FBN2: variants seen among roughly 807,000 people sequenced by gnomAD.
FBN2 encodes the protein fibrillin 2.
A neutral mutation model predicts 355.6 loss-of-function variants in FBN2; 105 were observed. The observed-to-expected ratio is 0.30, with a 90% CI of 0.25 to 0.35. FBN2 has a LOEUF of 0.35. Among genes scored for constraint, FBN2 ranks in the 10% least tolerant of loss-of-function variants. The pLI is 1.00. For missense variants in FBN2, 3,280 were observed against 3,758.7 expected (o/e 0.87, Z 3.33); for synonymous variants, 1,350 against 1,301.2 (o/e 1.04, Z -0.81).
intron 6 of FBN2, among the ~76,000 whole-genome samples, chr5:128,447,201 C>T (rs1465282342): frequency 6.6e-6 from 1 of 152,144 alleles, no homozygotes; most frequent in Non-Finnish European, 1.5e-5. Flanking sequence ...GAAAAAAGAA[C>T]AGGATAACAG....
chr5:128,526,916 AT>A (rs1756575948), intron 4 of FBN2, among the ~76,000 whole-genome samples: 1 of 152,146 alleles, frequency 6.6e-6, no homozygotes. Context: ...ATTTAAAAAA[AT>A]TTTTCATTGC....
chr5:128,280,324 A>T lies in FBN2; in HGVS notation c.7013-7T>A, dbSNP rs191729449. Reference sequence around the variant, plus strand: ...GTCCTGCATTCATTTTCATCTTTAGAAAAACAAACAATATGAATAATGAGA... The same window carrying T: ...GTCCTGCATTCATTTTCATCTTTAGTAAAACAAACAATATGAATAATGAGA... On this transcript the variant is annotated splice_region_variant and splice_polypyrimidine_tract_variant and intron_variant, in intron 55 of 64. Coordinates refer to ENST00000262464, the MANE Select transcript of FBN2 (RefSeq NM_001999.4). 57 of 1,602,862 alleles carry T rather than the reference A, an allele frequency of 3.6e-5. No homozygotes were observed. The East Asian group carries it at 6.3e-4, about 18-fold the overall frequency.
At chr5:128,519,885 C>T (rs1756383933) in intron 4 of FBN2, among the ~76,000 whole-genome samples, 1 of 150,380 alleles carries the variant, frequency 6.6e-6, no homozygotes, top group South Asian at 2.1e-4. Flanking sequence ...GAAAAGGAAG[C>T]CAAGGGGGGA....
At chr5:128,494,182 C>T (rs963648190) in intron 5 of FBN2, among the ~76,000 whole-genome samples, 11 of 152,164 alleles carry the variant, frequency 7.2e-5, no homozygotes, top group Non-Finnish European at 1.2e-4. Context: ...ATTGTCTCCG[C>T]CTTCAGTCCA....
chr5:128,519,553 T>G (rs1481847691), intron 4 of FBN2, among the ~76,000 whole-genome samples, 185 bp from the exon 5 acceptor site: 2 of 152,080 alleles, frequency 1.3e-5, no homozygotes, highest in African/African-American at 4.8e-5. Flanking sequence ...TATATTTAAG[T>G]ATATTCAGAC....
At chr5:128,327,699 C>A (rs938533826) in intron 34 of FBN2, among the ~76,000 whole-genome samples, 1 of 151,248 alleles carries the variant, frequency 6.6e-6, no homozygotes, top group Non-Finnish European at 1.5e-5. Context: ...AGTGCAATGG[C>A]GCAATCTTGG....
At chr5:128,263,291 T>A (rs1765022915) in intron 63 of FBN2, 134 bp downstream of exon 63, 1 of 731,310 alleles carries the variant, frequency 1.4e-6, no homozygotes, top group Non-Finnish European at 2.5e-6. Flanking sequence ...TTTATCTGCA[T>A]ACCCGAAGAG....
chr5:128,282,080 A>C (rs1448119513), intron 55 of FBN2, among the ~76,000 whole-genome samples: 1 of 152,138 alleles, frequency 6.6e-6, no homozygotes, highest in East Asian at 1.9e-4. Context: ...ATAGCATTTT[A>C]GTTCAAAATT....
intron 6 of FBN2, among the ~76,000 whole-genome samples, chr5:128,447,326 G>A (rs545038933): frequency 8.7e-4 from 132 of 152,242 alleles, no homozygotes; most frequent in Non-Finnish European, 1.4e-3. Flanking sequence ...CGCTGAATTC[G>A]TTTTCTCAGC....
intron 15 of FBN2, among the ~76,000 whole-genome samples, chr5:128,370,353 C>T (rs331097): frequency 0.71 from 107,420 of 152,006 alleles, 38,266 homozygotes; most frequent in East Asian, 0.97. Context: ...GAAAAAATTT[C>T]ATCTGCTTGT....
intron 8 of FBN2, among the ~76,000 whole-genome samples, chr5:128,396,215 TGG>T (rs2126982931): frequency 6.6e-6 from 1 of 152,188 alleles, no homozygotes; most frequent in Non-Finnish European, 1.5e-5. Flanking sequence ...ACAGCTGAGA[TGG>T]GGATGGCGAG....
At chr5:128,284,421 T>A (rs1238065467) in intron 55 of FBN2, among the ~76,000 whole-genome samples, 1 of 152,182 alleles carries the variant, frequency 6.6e-6, no homozygotes, top group Non-Finnish European at 1.5e-5. Context: ...AACCAAATTC[T>A]TTTCCATGGT....
chr5:128,461,871 T>TA (rs1268489547), intron 6 of FBN2, among the ~76,000 whole-genome samples: 2 of 150,026 alleles, frequency 1.3e-5, no homozygotes, highest in Non-Finnish European at 3.0e-5. Flanking sequence ...GGAGGGAACT[T>TA]AGAGGACAGG....
At chr5:128,450,681 AATG>A (rs896369956) in intron 6 of FBN2, among the ~76,000 whole-genome samples, 3 of 152,228 alleles carry the variant, frequency 2.0e-5, no homozygotes, top group South Asian at 2.1e-4. Context: ...TCAATAAAAT[AATG>A]ATGATAAAAT....
At position 128,318,988 on chromosome 5, in the gene FBN2, G is replaced by A. The variant is rs769570604; in HGVS notation, c.4485C>T (p.Cys1495=). The A allele has an allele frequency of 3.1e-6, 5 of 1,608,358 alleles. No homozygotes were observed. Among genetic ancestry groups the A allele is most frequent in the East Asian group, 2.2e-5 (1 of 44,768 alleles). Residue 1495 remains cysteine (C), a synonymous_variant, in exon 35 of 65, where the codon TGC becomes TGT. Transcript: ENST00000262464. ...DSRSCQDIDE[C]SFQNICVFGT... is the part of the protein sequence containing the mutation. The stretch of plus-strand genomic sequence containing the variant: ...CAAAGACACAAATGTTTTGGAAGGA[G>A]CATTCATCAATATCTGAAGATTTTA...
intron 62 of FBN2, among the ~76,000 whole-genome samples, chr5:128,266,309 A>G (rs755154086): frequency 1.2e-4 from 19 of 152,222 alleles, no homozygotes; most frequent in Non-Finnish European, 2.4e-4. Context: ...GAATAAGCTT[A>G]CAAATTAATA....
chr5:128,311,897 T>C lies in FBN2; in HGVS notation c.4936A>G (p.Ile1646Val), dbSNP rs760997979. The change falls in exon 38 of 65, where the codon ATC becomes GTC. Residue 1646 changes from isoleucine (I) to valine (V), a missense_variant. Around this residue, in one of 6 missense-constraint regions of FBN2, gnomAD observed 2,284 missense variants for 2,749.5 expected, o/e 0.83. Transcript: ENST00000262464. ...GGGATTAGCTCACCTTCTAAAATGATTGTGATGGGGTTAGGTCTGAAGCCT... is the reference window on the plus strand; with the variant it reads ...GGGATTAGCTCACCTTCTAAAATGACTGTGATGGGGTTAGGTCTGAAGCCT... ...GEGFRPNPIT[I>V]ILEDIDECQE... 5 of 1,608,502 alleles carry C rather than the reference T, an allele frequency of 3.1e-6. No homozygotes were observed. Among genetic ancestry groups the C allele is most frequent in the East Asian group, 2.2e-5 (1 of 44,834 alleles).
intron 5 of FBN2, among the ~76,000 whole-genome samples, chr5:128,499,422 G>A (rs377446922): frequency 3.9e-5 from 6 of 151,934 alleles, no homozygotes; most frequent in African/African-American, 1.2e-4. Context: ...CAATTACTTC[G>A]CGGGCTTTAA....
chr5:128,294,334 G>C (rs1241914215), intron 48 of FBN2, among the ~76,000 whole-genome samples: 1 of 151,828 alleles, frequency 6.6e-6, no homozygotes. Context: ...ATGATTTATA[G>C]TCCTTTGGGT....
Sources: gnomAD v4.1 joint callset for allele counts (sites outside exome capture counted in the v4.1 genomes callset) on GRCh38, gnomAD v4.1.1 for gene constraint, gnomAD v4.1.1 regional missense constraint, MANE v1.5 for transcripts, NCBI Gene and HGNC (gene_info 2026-07-23, HGNC 2026-07-21) for gene names.